GRIN3A: variants seen among roughly 807,000 people sequenced by gnomAD.
GRIN3A encodes glutamate ionotropic receptor NMDA type subunit 3A, also known as glutamate receptor ionotropic, NMDA 3A.
In GRIN3A, 47 loss-of-function variants were observed where a neutral mutation model predicts 92.4. The ratio of observed to expected loss-of-function variants is 0.51; its 90% CI spans 0.40 to 0.65. The LOEUF (loss-of-function observed/expected upper bound fraction) is 0.65, where lower values mean the gene tolerates loss of function less well. Among genes scored for constraint, GRIN3A ranks in the 30% least tolerant of loss-of-function variants. The pLI, the probability that GRIN3A is intolerant of heterozygous loss-of-function variation, is 0.00. For synonymous variants in GRIN3A, 527 were observed against 540.6 expected (o/e 0.97, Z 0.35); for missense variants, 1,324 against 1,393.1 (o/e 0.95, Z 0.79).
chr9:101,644,588 T>G (rs2118906284), intron 3 of GRIN3A, among the ~76,000 whole-genome samples: 1 of 152,046 alleles, frequency 6.6e-6, no homozygotes, highest in South Asian at 2.1e-4. Context: ...ATGGAAAAAC[T>G]TAACTAGTTC....
intron 6 of GRIN3A, among the ~76,000 whole-genome samples, chr9:101,581,436 G>T (rs1827885488): frequency 1.3e-5 from 2 of 152,266 alleles, no homozygotes; most frequent in South Asian, 2.1e-4. Context: ...AAACTCCAAG[G>T]GTTGGTATTA....
At chr9:101,667,155 T>C (rs1829249628) in intron 3 of GRIN3A, among the ~76,000 whole-genome samples, 1 of 151,998 alleles carries the variant, frequency 6.6e-6, no homozygotes, top group African/African-American at 2.4e-5. Context: ...GCCTGTGCTT[T>C]ATACTTCGTA....
At chr9:101,657,128 A>C (rs190339955) in intron 3 of GRIN3A, among the ~76,000 whole-genome samples, 279 of 152,022 alleles carry the variant, frequency 1.8e-3, no homozygotes, top group Non-Finnish European at 3.0e-3. Context: ...AAATTTCTTA[A>C]TTCCAAGAAA....
chr9:101,652,878 CA>C (rs1829032524), intron 3 of GRIN3A, among the ~76,000 whole-genome samples: 1 of 152,000 alleles, frequency 6.6e-6, no homozygotes, highest in East Asian at 2.0e-4. Context: ...ATGAACATTG[CA>C]GTTAATGTTG....
rs555817522 is a variant in GRIN3A at position 101,723,319 on chromosome 9, C to T, written c.699+13962G>A. ...TCGGGAGTGAAGCTGCAGACCTTCG[C>T]GGTGAGTGTTACAGCTCTTAAGGCA... On this transcript the variant is annotated intron_variant, in intron 1 of 8. Transcript: ENST00000361820. 4.0e-5 allele frequency among the ~76,000 whole-genome samples: 6 copies of T among 151,660 alleles called. No homozygotes were observed. The East Asian group carries it at 7.8e-4, about 20-fold the overall frequency.
At chr9:101,610,293 C>A (rs757798432) in intron 6 of GRIN3A, among the ~76,000 whole-genome samples, 1 of 152,240 alleles carries the variant, frequency 6.6e-6, no homozygotes, top group African/African-American at 2.4e-5. Flanking sequence ...GACATGCTAG[C>A]TCCCTAAGTC....
chr9:101,653,292 TATC>T (rs2118920368), intron 3 of GRIN3A, among the ~76,000 whole-genome samples: 1 of 151,518 alleles, frequency 6.6e-6, no homozygotes, highest in South Asian at 2.1e-4. Context: ...ATTTTCATAA[TATC>T]ATTGTAATGC....
chr9:101,608,048 GC>G (rs1828309427), intron 6 of GRIN3A, among the ~76,000 whole-genome samples: 1 of 152,166 alleles, frequency 6.6e-6, no homozygotes, highest in South Asian at 2.1e-4. Context: ...AATATGCATT[GC>G]TGTTTAAATG....
At chr9:101,607,103 G>T (rs1050187907) in intron 6 of GRIN3A, among the ~76,000 whole-genome samples, 7 of 151,410 alleles carry the variant, frequency 4.6e-5, no homozygotes, top group Non-Finnish European at 8.8e-5. Context: ...CGGCAGAATT[G>T]GACCTGCAAT....
chr9:101,663,865 C>CTTTTTTTTTTT (rs71356374), intron 3 of GRIN3A, among the ~76,000 whole-genome samples: 1 of 144,900 alleles, frequency 6.9e-6, no homozygotes, highest in African/African-American at 2.6e-5. Flanking sequence ...TTTTCTTTTT[C>CTTTTTTTTTTT]TTTTTTTTTT....
chr9:101,594,746 A>G (rs1828090743), intron 6 of GRIN3A: 1 of 1,614,156 alleles, frequency 6.2e-7, no homozygotes, highest in Non-Finnish European at 8.5e-7. Flanking sequence ...GAAGACGTCG[A>G]TCACTCGCCG....
chr9:101,736,749 G>A (rs1237845793), intron 1 of GRIN3A, among the ~76,000 whole-genome samples: 1 of 152,182 alleles, frequency 6.6e-6, no homozygotes, highest in East Asian at 1.9e-4. Context: ...GGAATTCAGA[G>A]CGATGTGCTT....
intron 2 of GRIN3A, among the ~76,000 whole-genome samples, chr9:101,678,387 G>A (rs1829425791): frequency 6.6e-6 from 1 of 152,138 alleles, no homozygotes; most frequent in Non-Finnish European, 1.5e-5. Flanking sequence ...ATGAGAAGGA[G>A]TTTAATAGGG....
intron 1 of GRIN3A, among the ~76,000 whole-genome samples, chr9:101,705,057 C>T (rs986707507): frequency 3.3e-5 from 5 of 151,998 alleles, no homozygotes; most frequent in African/African-American, 1.2e-4. Flanking sequence ...GGGCTAGGTC[C>T]CTGGCAAGGG....
intron 1 of GRIN3A, among the ~76,000 whole-genome samples, chr9:101,711,072 C>A (rs1320909609): frequency 6.6e-6 from 1 of 152,162 alleles, no homozygotes; most frequent in African/African-American, 2.4e-5. Context: ...ACTGTACTCA[C>A]CCTCGTCCTT....
chr9:101,718,477 G>C (rs1322520864), intron 1 of GRIN3A, among the ~76,000 whole-genome samples: 1 of 152,194 alleles, frequency 6.6e-6, no homozygotes, highest in East Asian at 1.9e-4. Flanking sequence ...AAAGTACAAA[G>C]GGCAAGTGTT....
intron 1 of GRIN3A, among the ~76,000 whole-genome samples, chr9:101,700,246 T>C (rs1260264123): frequency 6.6e-6 from 1 of 152,216 alleles, no homozygotes; most frequent in Non-Finnish European, 1.5e-5. Context: ...TAAATGGTGA[T>C]GTGTAGTTTA....
intron 6 of GRIN3A, chr9:101,594,742 G>A (rs148782154): frequency 3.7e-5 from 59 of 1,614,018 alleles, no homozygotes; most frequent in Non-Finnish European, 4.8e-5. Context: ...TGTCGAAGAC[G>A]TCGATCACTC....
At chr9:101,597,313 C>CG (rs1828149024) in intron 6 of GRIN3A, among the ~76,000 whole-genome samples, 1 of 151,496 alleles carries the variant, frequency 6.6e-6, no homozygotes, top group South Asian at 2.1e-4. Context: ...TGGAGCTGGT[C>CG]GGGGGGAAGT....
Sources: allele counts gnomAD v4.1 joint callset (sites outside exome capture counted in the v4.1 genomes callset), GRCh38; gene constraint gnomAD v4.1.1; transcripts MANE v1.5; gene names NCBI Gene and HGNC (gene_info 2026-07-23, HGNC 2026-07-21).